The following OGDH variants were observed in gnomAD, a reference collection of about 807,000 sequenced individuals.
The protein encoded by OGDH is oxoglutarate dehydrogenase, also known as 2-oxoglutarate dehydrogenase complex component E1.
A neutral mutation model predicts 116.6 loss-of-function variants in OGDH; 38 were observed. The observed-to-expected ratio is 0.33, with a 90% CI of 0.25 to 0.43. The LOEUF is 0.43. Among genes scored for constraint, OGDH ranks in the 20% least tolerant of loss-of-function variants. The pLI is 1.00. For synonymous variants in OGDH, 488 were observed against 533.3 expected (o/e 0.92, Z 1.17); for missense variants, 825 against 1,357.2 (o/e 0.61, Z 6.16).
Position 44,707,820 on chromosome 7 carries a change from G to A in OGDH, c.2952-59G>A, listed in dbSNP as rs1789152111. The stretch of plus-strand genomic sequence containing the variant: ...GTTAGCCAGGCACATGCAGCAGAGG[G>A]ATGGGCTGGGCCAACTCAGTGTCCC... On this transcript the variant is annotated intron_variant, in intron 22 of 22. Coordinates refer to ENST00000222673, the MANE Select transcript of OGDH (RefSeq NM_002541.4). This position sits in a 1 kb window ranked among gnomAD's most constrained non-coding sequence, Gnocchi z 5.2. 13 of 1,608,742 alleles carry A rather than the reference G, an allele frequency of 8.1e-6. No homozygotes were observed. The highest frequency in any genetic ancestry group is 1.1e-5 in the Non-Finnish European group (13 of 1,177,130).
At position 44,697,917 on chromosome 7, in the gene OGDH, C is replaced by A; in HGVS notation, c.2358+135C>A. The stretch of plus-strand genomic sequence containing the variant: ...GACTCTGCTGGTGCTTCCCATCCAT[C>A]TCAGATGGGATGTCACTTCAGAAAG... On this transcript the variant is annotated intron_variant, in intron 17 of 22. Coordinates refer to ENST00000222673, the MANE Select transcript of OGDH (RefSeq NM_002541.4). The surrounding 1 kb of genome is among the most constrained non-coding windows in gnomAD (Gnocchi z 6.0). 2 of 1,094,018 alleles carry A rather than the reference C, an allele frequency of 1.8e-6. No homozygotes were observed. Among genetic ancestry groups the A allele is most frequent in the South Asian group, 1.6e-5 (1 of 62,272 alleles). 67.8% of individuals were successfully genotyped at this position (1,094,018 alleles called of 1,614,324 possible). A position where few individuals can be genotyped will look rare whatever the true frequency, so the allele number is the denominator to read the frequency against.
Position 44,694,585 on chromosome 7 carries a change from C to T in OGDH, c.1668+9C>T. The T allele has an allele frequency of 1.2e-6, 2 of 1,613,542 alleles. No homozygotes were observed. Among genetic ancestry groups the T allele is most frequent in the Non-Finnish European group, 1.7e-6 (2 of 1,179,512 alleles). On this transcript the variant is annotated intron_variant, in intron 12 of 22. Transcript: ENST00000222673. This position sits in a 1 kb window ranked among gnomAD's most constrained non-coding sequence, Gnocchi z 4.2. Reference sequence around the variant, plus strand: ...ACCAGCCTGAGTATGAGGTACGTCCCTGCGGCTCTATCCCAGTGCGCCTTT... The same window carrying T: ...ACCAGCCTGAGTATGAGGTACGTCCTTGCGGCTCTATCCCAGTGCGCCTTT...
At chr7:44,656,441 C>T in intron 4 of OGDH, 2 of 1,304,004 alleles carry the variant, frequency 1.5e-6, no homozygotes, top group South Asian at 2.6e-5. Context: ...TCCTAGCATG[C>T]AATATGGGGA....
Position 44,697,802 on chromosome 7 carries a change from C to G in OGDH, c.2358+20C>G. 1 of 1,606,778 alleles carries G rather than the reference C, an allele frequency of 6.2e-7. No individual in the cohort carries two copies. The highest frequency in any genetic ancestry group is 8.5e-7 in the Non-Finnish European group (1 of 1,176,334). On this transcript the variant is annotated intron_variant, in intron 17 of 22. Transcript: ENST00000222673. This position sits in a 1 kb window ranked among gnomAD's most constrained non-coding sequence, Gnocchi z 6.0. ...GGCATGGTGAGCCTCTGGCCCTTCC[C>G]TGCCAGACCTAGGACTTGGGAAGGG...
At chr7:44,655,216 T>C (rs564235317) in intron 4 of OGDH, among the ~76,000 whole-genome samples, 11 of 152,206 alleles carry the variant, frequency 7.2e-5, no homozygotes, top group Admixed American at 3.9e-4. Context: ...ACCTCACTTA[T>C]GGCATCTTGA....
At position 44,707,215 on chromosome 7, in the gene OGDH, T is replaced by C; in HGVS notation, c.2633-10T>C. On this transcript the variant is annotated splice_polypyrimidine_tract_variant and intron_variant, in intron 20 of 22. Coordinates refer to ENST00000222673, the MANE Select transcript of OGDH (RefSeq NM_002541.4). This position sits in a 1 kb window ranked among gnomAD's most constrained non-coding sequence, Gnocchi z 5.2. ...AGAGAACCAGCCTAGCCATGGGAAC[T>C]CTCTTGTAGGAACCCACTTCCAGCG... 3 of 1,613,566 alleles carry C rather than the reference T, an allele frequency of 1.9e-6. No homozygotes were observed. The highest frequency in any genetic ancestry group is 2.5e-6 in the Non-Finnish European group (3 of 1,179,774).
At chr7:44,642,222 C>T (rs1785974843) in intron 2 of OGDH, among the ~76,000 whole-genome samples, 1 of 152,042 alleles carries the variant, frequency 6.6e-6, no homozygotes, top group South Asian at 2.1e-4. Context: ...TCAAGAACAA[C>T]TTGGGCAACA....
intron 5 of OGDH, among the ~76,000 whole-genome samples, chr7:44,667,210 C>T (rs904298447): frequency 1.3e-5 from 2 of 152,098 alleles, no homozygotes; most frequent in African/African-American, 2.4e-5. Flanking sequence ...CTCGGCCTCT[C>T]GAAGTGCTGG....
intron 2 of OGDH, among the ~76,000 whole-genome samples, chr7:44,631,104 A>G (rs1785421889): frequency 6.6e-6 from 1 of 152,158 alleles, no homozygotes; most frequent in African/African-American, 2.4e-5. Context: ...CCTGGTTTAG[A>G]GAATAATAAC....
chr7:44,696,787 C>G, intron 14 of OGDH, 127 bp from the exon 15 acceptor site: 6 of 1,308,864 alleles, frequency 4.6e-6, no homozygotes, highest in Non-Finnish European at 4.1e-6. Context: ...CACAGCTTTT[C>G]CAGCAAGTCA....
intron 5 of OGDH, among the ~76,000 whole-genome samples, chr7:44,672,916 C>T (rs568802649): frequency 2.0e-4 from 31 of 152,258 alleles, no homozygotes; most frequent in African/African-American, 6.7e-4. Context: ...GCTGGGATTA[C>T]AGGCGTGAGC....
intron 10 of OGDH, among the ~76,000 whole-genome samples, chr7:44,687,733 T>C (rs1256339929): frequency 6.6e-6 from 1 of 152,128 alleles, no homozygotes; most frequent in Non-Finnish European, 1.5e-5. Context: ...TGCTCAACTT[T>C]TTTAAATTGT....
At chr7:44,702,153 C>T (rs941779206) in intron 20 of OGDH, among the ~76,000 whole-genome samples, 7 of 151,960 alleles carry the variant, frequency 4.6e-5, no homozygotes, top group Admixed American at 3.3e-4. Flanking sequence ...CATGTCTTAA[C>T]ATGCAGCCCA....
At chr7:44,643,216 T>G (rs1258156348) in intron 2 of OGDH, among the ~76,000 whole-genome samples, 1 of 152,012 alleles carries the variant, frequency 6.6e-6, no homozygotes, top group Non-Finnish European at 1.5e-5. Flanking sequence ...GCTTAAGTGA[T>G]CCTCCTGCCT....
At chr7:44,631,984 G>A (rs79284657) in intron 2 of OGDH, among the ~76,000 whole-genome samples, 2,002 of 152,284 alleles carry the variant, frequency 0.013, 51 homozygotes, top group African/African-American at 0.045. Context: ...AGGGGCTCAC[G>A]GTCACTCAGC....
At chr7:44,608,831 T>C (rs1277267924) in intron 1 of OGDH, among the ~76,000 whole-genome samples, 1 of 152,152 alleles carries the variant, frequency 6.6e-6, no homozygotes, top group Non-Finnish European at 1.5e-5. Context: ...AACAGTAAAA[T>C]TTTAAGAAAT....
At chr7:44,642,711 C>T (rs1785999805) in intron 2 of OGDH, among the ~76,000 whole-genome samples, 1 of 152,102 alleles carries the variant, frequency 6.6e-6, no homozygotes, top group African/African-American at 2.4e-5. Flanking sequence ...ATCACAAGGT[C>T]AGGAGTTCGA....
At chr7:44,658,106 T>C (rs559732614) in intron 4 of OGDH, among the ~76,000 whole-genome samples, 1 of 152,352 alleles carries the variant, frequency 6.6e-6, no homozygotes, top group South Asian at 2.1e-4. Flanking sequence ...CTTCTCCATA[T>C]AAATTTGAGG....
At chr7:44,630,375 T>C (rs1272594637) in intron 2 of OGDH, among the ~76,000 whole-genome samples, 5 of 152,198 alleles carry the variant, frequency 3.3e-5, no homozygotes, top group Admixed American at 6.5e-5. Flanking sequence ...AGATCTGATA[T>C]GTTCACGTGA....
Sources: gnomAD v4.1 joint callset for allele counts (sites outside exome capture counted in the v4.1 genomes callset) on GRCh38, gnomAD v4.1.1 for gene constraint, Gnocchi (gnomAD v3.1) non-coding constraint, MANE v1.5 for transcripts, NCBI Gene and HGNC (gene_info 2026-07-23, HGNC 2026-07-21) for gene names.